The following WDR7 variants were observed in gnomAD, a reference collection of about 807,000 sequenced individuals.
WDR7 encodes the protein WD repeat domain 7.
In WDR7, 46 loss-of-function variants were observed where a neutral mutation model predicts 169.4. The observed-to-expected ratio is 0.27, with a 90% CI of 0.21 to 0.35. The LOEUF (loss-of-function observed/expected upper bound fraction) is 0.35. Among genes scored for constraint, WDR7 ranks in the 10% least tolerant of loss-of-function variants. WDR7 has a pLI of 1.00. For synonymous variants in WDR7, 612 were observed against 666.8 expected, an observed-to-expected ratio of 0.92 and a Z score of 1.27; for missense variants, 1,534 against 1,859.3, an observed-to-expected ratio of 0.83 and a Z score of 3.22.
At chr18:56,661,598 C>G (rs1211045226) in intron 1 of WDR7, among the ~76,000 whole-genome samples, 3 of 152,148 alleles carry the variant, frequency 2.0e-5, no homozygotes, top group Admixed American at 6.5e-5. Flanking sequence ...CTTCCTTTAA[C>G]CAAGCAGTCC....
chr18:56,840,825 A>G (rs2045474451), intron 20 of WDR7, among the ~76,000 whole-genome samples: 1 of 151,948 alleles, frequency 6.6e-6, no homozygotes, highest in South Asian at 2.1e-4. Flanking sequence ...TCTCAAAAAA[A>G]AGAAAAAAAA....
At chr18:56,974,307 T>C (rs146688482) in intron 26 of WDR7, among the ~76,000 whole-genome samples, 83 of 152,064 alleles carry the variant, frequency 5.5e-4, no homozygotes, top group African/African-American at 1.8e-3. Context: ...CCTTGTCTTG[T>C]CCTTTCCCTT....
At chr18:56,787,852 A>G (rs553662610) in intron 19 of WDR7, among the ~76,000 whole-genome samples, 8 of 152,368 alleles carry the variant, frequency 5.3e-5, no homozygotes, top group Admixed American at 3.9e-4. Context: ...TATTGTAGCT[A>G]GTAAAAATAG....
At chr18:56,732,088 A>G (rs1338264740) in intron 14 of WDR7, among the ~76,000 whole-genome samples, 2 of 152,170 alleles carry the variant, frequency 1.3e-5, no homozygotes, top group African/African-American at 4.8e-5. Context: ...GAAGTACTGA[A>G]ATTTTTCTGA....
At chr18:56,941,710 C>G (rs546459492) in intron 25 of WDR7, among the ~76,000 whole-genome samples, 1 of 152,142 alleles carries the variant, frequency 6.6e-6, no homozygotes, top group East Asian at 1.9e-4. Flanking sequence ...AAAAATAATT[C>G]TCAGCTGGGG....
intron 12 of WDR7, among the ~76,000 whole-genome samples, chr18:56,714,588 A>AT (rs2144726038): frequency 6.6e-6 from 1 of 150,784 alleles, no homozygotes; most frequent in South Asian, 2.1e-4. Flanking sequence ...ACTGTTTTGT[A>AT]TTTTTAGTAG....
At chr18:56,748,319 T>C (rs536314485) in intron 14 of WDR7, among the ~76,000 whole-genome samples, 1 of 152,312 alleles carries the variant, frequency 6.6e-6, no homozygotes, top group African/African-American at 2.4e-5. Context: ...CTTGTTACTT[T>C]GGTAACTTGG....
rs768307198 is a variant in WDR7 at position 56,756,598 on chromosome 18, T to C, written c.2005T>C (p.Tyr669His). The part of the protein sequence containing the change: ...EASDKGNLPK[Y>H]SHNSLMVQAI... Reference sequence around the variant, plus strand: ...TTTATTACAGGGAAATTTACCTAAATATTCTCATAACTCCCTGATGGTTCA... The same window carrying C: ...TTTATTACAGGGAAATTTACCTAAACATTCTCATAACTCCCTGATGGTTCA... Residue 669 changes from tyrosine (Y) to histidine (H), a missense_variant, in exon 15 of 28, where the codon TAT (tyrosine) becomes CAT (histidine). Tyr to His is a moderately conservative substitution (Grantham distance 83, BLOSUM62 2). Transcript: ENST00000254442. 7 of 1,580,590 alleles carry C rather than the reference T, an allele frequency of 4.4e-6. No individual in the cohort carries two copies. Among genetic ancestry groups the C allele is most frequent in the Non-Finnish European group, 5.1e-6 (6 of 1,166,438 alleles).
At chr18:56,892,424 C>T (rs2046276443) in intron 21 of WDR7, among the ~76,000 whole-genome samples, 1 of 152,102 alleles carries the variant, frequency 6.6e-6, no homozygotes, top group Admixed American at 6.6e-5. Context: ...ATTTTCCACA[C>T]ATGTTCAGCT....
In WDR7 at chr18:56,987,383, T is replaced by A. The variant is rs1197792230; in HGVS notation, c.4164+24854T>A. Among the ~76,000 whole-genome samples the A allele has an allele frequency of 4.0e-5, 6 of 149,984 alleles. 1 individual carries two copies. Among genetic ancestry groups the A allele is most frequent in the African/African-American group, 1.5e-4 (6 of 40,998 alleles). ...AATTTGATGATGATTATTGATTATC[T>A]CACAGCCTTTCACTCACGCTCTGCC... On this transcript the variant is annotated intron_variant, in intron 26 of 27. Coordinates refer to ENST00000254442, the MANE Select transcript of WDR7 (RefSeq NM_015285.3).
At chr18:56,657,775 A>G (rs1227309078) in intron 1 of WDR7, among the ~76,000 whole-genome samples, 1 of 152,262 alleles carries the variant, frequency 6.6e-6, no homozygotes, top group East Asian at 1.9e-4. Flanking sequence ...GAAATCCTAC[A>G]TCATGACTGC....
At chr18:56,669,506 T>C (rs576758340) in intron 1 of WDR7, among the ~76,000 whole-genome samples, 126 of 152,246 alleles carry the variant, frequency 8.3e-4, no homozygotes, top group African/African-American at 2.9e-3. Context: ...CAGATTTTGA[T>C]ACAAACATAA....
At chr18:56,963,799 AT>A (rs2047367989) in intron 26 of WDR7, among the ~76,000 whole-genome samples, 1 of 152,230 alleles carries the variant, frequency 6.6e-6, no homozygotes. Flanking sequence ...CATGTTATTT[AT>A]AAGATCCTTT....
intron 20 of WDR7, among the ~76,000 whole-genome samples, chr18:56,876,532 G>A (rs1047499273): frequency 8.5e-5 from 13 of 152,116 alleles, no homozygotes; most frequent in Admixed American, 3.3e-4. Flanking sequence ...CAGGCTTTTG[G>A]CTCCTATGAG....
Position 56,776,827 on chromosome 18 carries a change from G to T in WDR7, c.2894G>T (p.Gly965Val), listed in dbSNP as rs757173521. ...GCTCGGTCTGATGCTGATCACTCTG[G>T]CTCTGACCCTCCTTCTGCTCCTGCT... The part of the protein sequence containing the change: ...VSARSDADHS[G>V]SDPPSAPALH... The change falls in exon 17 of 28, where the codon GGC (glycine) becomes GTC (valine). Residue 965 changes from glycine (G) to valine (V), a missense_variant. By Grantham distance (109) the Gly-to-Val change is moderately radical. Transcript: ENST00000254442. 2 of 1,613,848 alleles carry T rather than the reference G, an allele frequency of 1.2e-6. No homozygotes were observed. The highest frequency in any genetic ancestry group is 1.3e-5 in the African/African-American group (1 of 74,954).
Position 57,027,133 on chromosome 18 carries a change from C to T in WDR7, c.4399C>T (p.Arg1467Trp), listed in dbSNP as rs374121232. 3.1e-6 allele frequency: 5 copies of T among 1,614,208 alleles called. No individual in the cohort carries two copies. The South Asian group carries it at 3.3e-5, about 11-fold the overall frequency. ...CTCCCACAATGCCCTCAAGCTGGCC[C>T]GGCTCATCTGGACTTCCAACCGCAA... ...PGSHNALKLA[R>W]LIWTSNRNVI... The change falls in exon 28 of 28, where the codon CGG (arginine) becomes TGG (tryptophan). Residue 1467 changes from arginine (R) to tryptophan (W), a missense_variant. Transcript: ENST00000254442.
chr18:56,686,944 A>C lies in WDR7; in HGVS notation c.687A>C (p.Ser229=). Residue 229 remains serine, a synonymous_variant, in exon 7 of 28, where the codon TCA becomes TCC. Transcript: ENST00000254442. ...CTTTTTGTGCATTTACACAAAGGTC[A>C]CTTTTGGTTGTGTGTTCCAAATATT... ...SISFCAFTQR[S]LLVVCSKYWR... 6.2e-7 allele frequency: 1 copy of C among 1,611,316 alleles called. No individual in the cohort carries two copies. The highest frequency in any genetic ancestry group is 8.5e-7 in the Non-Finnish European group (1 of 1,177,946).
At chr18:57,019,129 A>T (rs2048249208) in intron 26 of WDR7, among the ~76,000 whole-genome samples, 1 of 152,152 alleles carries the variant, frequency 6.6e-6, no homozygotes, top group African/African-American at 2.4e-5. Flanking sequence ...GAGATATGTG[A>T]TTAAGGCAGA....
chr18:56,715,444 A>G (rs944539722), intron 12 of WDR7, among the ~76,000 whole-genome samples: 1 of 152,204 alleles, frequency 6.6e-6, no homozygotes, highest in African/African-American at 2.4e-5. Context: ...CGTGGGGACT[A>G]GCAAATAGGT....
Sources: gnomAD v4.1 joint callset for allele counts (sites outside exome capture counted in the v4.1 genomes callset) on GRCh38, gnomAD v4.1.1 for gene constraint, MANE v1.5 for transcripts, NCBI Gene and HGNC (gene_info 2026-07-23, HGNC 2026-07-21) for gene names.